Variants in PABPC4 observed in about 807,000 individuals in gnomAD.
The protein encoded by PABPC4 is polyadenylate-binding protein 4.
PABPC4 carries 15 observed loss-of-function variants against 74.5 expected under a neutral mutation model. The observed-to-expected ratio is 0.20, with a 90% CI of 0.13 to 0.31. The LOEUF (loss-of-function observed/expected upper bound fraction) is 0.31, where lower values mean the gene tolerates loss of function less well. Among genes scored for constraint, PABPC4 ranks in the 10% least tolerant of loss-of-function variants. PABPC4 has a pLI of 1.00. For missense variants in PABPC4, 610 were observed against 853.5 expected, an observed-to-expected ratio of 0.71 and a Z score of 3.55; for synonymous variants, 345 against 303.0, an observed-to-expected ratio of 1.14 and a Z score of -1.44.
chr1:39,571,861 A>G (rs950631921), intron 2 of PABPC4, among the ~76,000 whole-genome samples: 3 of 152,244 alleles, frequency 2.0e-5, no homozygotes, highest in Admixed American at 2.0e-4. Context: ...TGACAGACAG[A>G]GCAAGACTCT....
At chr1:39,562,571 A>G in intron 12 of PABPC4, 155 bp from the exon 13 acceptor site, 1 of 599,670 alleles carries the variant, frequency 1.7e-6, no homozygotes, top group Non-Finnish European at 3.0e-6. Flanking sequence ...TCCTTGAAGG[A>G]TTGAGGGGTG....
At chr1:39,565,700 C>A (rs903265440) in intron 7 of PABPC4, among the ~76,000 whole-genome samples, 9 of 152,078 alleles carry the variant, frequency 5.9e-5, no homozygotes, top group Non-Finnish European at 8.8e-5. Context: ...TGGTGGCACA[C>A]ACCTGTAATC....
chr1:39,562,521 G>C (rs1022395769), intron 12 of PABPC4, 105 bp from the exon 13 acceptor site: 3 of 803,750 alleles, frequency 3.7e-6, no homozygotes, highest in South Asian at 3.5e-5. Flanking sequence ...TGAAAGAGGA[G>C]AGGAGGTGGC....
At chr1:39,561,362 C>CA in intron 15 of PABPC4, 1 of 350,070 alleles carries the variant, frequency 2.9e-6, no homozygotes, top group East Asian at 7.1e-5. Context: ...ATGACTATGC[C>CA]AAGTCAACCC....
intron 7 of PABPC4, 29 bp downstream of exon 7, chr1:39,567,722 C>T: frequency 5.5e-6 from 6 of 1,082,032 alleles, no homozygotes; most frequent in Non-Finnish European, 8.6e-6. Context: ...AATACCACTG[C>T]TTTCAATCCC....
intron 1 of PABPC4, among the ~76,000 whole-genome samples, chr1:39,573,608 C>T (rs1176690382): frequency 6.6e-6 from 1 of 152,188 alleles, no homozygotes; most frequent in Non-Finnish European, 1.5e-5. Flanking sequence ...TACCTGAGGT[C>T]AGGAGTTCGA....
chr1:39,560,900 A>C lies in PABPC4; in HGVS notation c.*236T>G. The C allele has an allele frequency of 5.0e-6, 1 of 201,562 alleles. No individual in the cohort carries two copies. 12.5% of individuals were successfully genotyped at this position (201,562 alleles called of 1,614,324 possible). ...CCAATTTCTGGGGGAAAAAATCAAA[A>C]CCCACAATAAAAAAAAAGTTAACAC... On this transcript the variant is annotated 3_prime_UTR_variant, in exon 16 of 16. Coordinates refer to ENST00000372858, the MANE Select transcript of PABPC4 (RefSeq NM_001135653.2).
rs777247853 is a variant in PABPC4 at position 39,560,945 on chromosome 1, C to T, written c.*191G>A. ...TAACACTGTCTGGGCCACAGCAGAACCCAAAGAACATATTCGTATAATTGA... is the reference window on the plus strand; with the variant it reads ...TAACACTGTCTGGGCCACAGCAGAATCCAAAGAACATATTCGTATAATTGA... On this transcript the variant is annotated 3_prime_UTR_variant, in exon 16 of 16. Coordinates refer to ENST00000372858, the MANE Select transcript of PABPC4 (RefSeq NM_001135653.2). The T allele has an allele frequency of 4.4e-5, 13 of 294,568 alleles. No individual in the cohort carries two copies. The highest frequency in any genetic ancestry group is 9.2e-5 in the Non-Finnish European group (13 of 141,604). 18.2% of individuals were successfully genotyped at this position (294,568 alleles called of 1,614,324 possible).
At chr1:39,566,021 T>C (rs941885640) in intron 7 of PABPC4, among the ~76,000 whole-genome samples, 2 of 152,254 alleles carry the variant, frequency 1.3e-5, no homozygotes, top group Admixed American at 1.3e-4. Flanking sequence ...TGGCACAGGA[T>C]TTACCCCAGA....
intron 5 of PABPC4, among the ~76,000 whole-genome samples, chr1:39,569,315 C>T (rs376284481): frequency 7.2e-5 from 11 of 152,338 alleles, no homozygotes; most frequent in African/African-American, 2.6e-4. Context: ...CAAATCAGCA[C>T]TCACTGGGCT....
intron 1 of PABPC4, 64 bp from the exon 2 acceptor site, chr1:39,572,650 A>T: frequency 7.8e-7 from 1 of 1,275,690 alleles, no homozygotes; most frequent in East Asian, 2.3e-5. Flanking sequence ...CCAACAGCCT[A>T]AGAACAGATT....
chr1:39,574,788 TGCA>T (rs1008135711), intron 1 of PABPC4, among the ~76,000 whole-genome samples: 16 of 152,266 alleles, frequency 1.1e-4, no homozygotes, highest in African/African-American at 3.6e-4. Context: ...TAATGATCTC[TGCA>T]GTTGTTCCCT....
At chr1:39,562,713 C>G (rs1051188713) in intron 12 of PABPC4, 3 of 307,706 alleles carry the variant, frequency 9.7e-6, no homozygotes, top group African/African-American at 6.4e-5. Flanking sequence ...CTGACATTTC[C>G]TTAATACACC....
At chr1:39,562,008 TCCAAGTTTGCC>T (rs1486775154) in intron 14 of PABPC4, 54 bp downstream of exon 14, 1 of 1,568,444 alleles carries the variant, frequency 6.4e-7, no homozygotes. Flanking sequence ...CACCTGGGCA[TCCAAGTTTGCC>T]CCCAGTCTTC....
At chr1:39,567,288 C>G in intron 7 of PABPC4, 2 of 432,906 alleles carry the variant, frequency 4.6e-6, no homozygotes, top group Non-Finnish European at 9.1e-6. Flanking sequence ...AAACCTTCCA[C>G]TCCCCTTTCC....
chr1:39,566,277 G>A (rs571537779), intron 7 of PABPC4, among the ~76,000 whole-genome samples: 3 of 152,156 alleles, frequency 2.0e-5, no homozygotes, highest in South Asian at 4.2e-4. Flanking sequence ...TCTTACCAAC[G>A]TCAGGATAAC....
chr1:39,571,441 C>T (rs1645938380), intron 2 of PABPC4, 92 bp from the exon 3 acceptor site: 1 of 1,486,998 alleles, frequency 6.7e-7, no homozygotes, highest in African/African-American at 1.4e-5. Flanking sequence ...GAGACTCTAG[C>T]CCATCCATGG....
intron 1 of PABPC4, among the ~76,000 whole-genome samples, chr1:39,573,825 A>G (rs541635653): frequency 5.9e-5 from 9 of 152,268 alleles, no homozygotes; most frequent in Non-Finnish European, 1.0e-4. Flanking sequence ...GTCTCAAAAC[A>G]AACAACAACA....
rs141523814 is a variant in PABPC4, at chr1:39,563,709, G to T, written c.1573C>A (p.Arg525Ser). ...VPTAVQNLAPRAAVAAAAPRA... is the reference protein window; with the variant it reads ...VPTAVQNLAPSAAVAAAAPRA... ...GGAGCAGCAGCAGCAACAGCAGCGC[G>T]TGGCGCTAAGTTCTGCACAGCTGTG... The change falls in exon 12 of 16, where the codon CGC becomes AGC. Residue 525 changes from arginine to serine, a missense_variant. By Grantham distance (110) the Arg-to-Ser change is moderately radical. Around this residue, in one of 4 missense-constraint regions of PABPC4, gnomAD observed 277 missense variants for 301.8 expected, o/e 0.92. Transcript: ENST00000372858. 6.2e-7 allele frequency: 1 copy of T among 1,614,240 alleles called. No individual in the cohort carries two copies. The highest frequency in any genetic ancestry group is 1.7e-5 in the Admixed American group (1 of 60,036).
Sources: gnomAD v4.1 joint callset for allele counts (sites outside exome capture counted in the v4.1 genomes callset) on GRCh38, gnomAD v4.1.1 for gene constraint, gnomAD v4.1.1 regional missense constraint, MANE v1.5 for transcripts, NCBI Gene and HGNC (gene_info 2026-07-23, HGNC 2026-07-21) for gene names.